The following RUNX1 variants were observed in gnomAD, a reference collection of about 807,000 sequenced individuals.
RUNX1 encodes the protein runt-related transcription factor 1.
Under a neutral mutation model 42.8 loss-of-function variants are expected in RUNX1, and 19 were observed. That is an observed-to-expected ratio of 0.44 (90% CI 0.31 to 0.65). The LOEUF (loss-of-function observed/expected upper bound fraction) is 0.65, where lower values mean the gene tolerates loss of function less well. Among genes scored for constraint, RUNX1 ranks in the 30% least tolerant of loss-of-function variants. The pLI is 0.07. For synonymous variants in RUNX1, 271 were observed against 289.4 expected (o/e 0.94, Z 0.64); for missense variants, 528 against 672.0 (o/e 0.79, Z 2.37).
chr21:34,875,280 G>A (rs958803695), intron 5 of RUNX1, among the ~76,000 whole-genome samples: 5 of 152,226 alleles, frequency 3.3e-5, no homozygotes, highest in African/African-American at 1.2e-4. Flanking sequence ...ATTGGCAAAT[G>A]TGAAACCGAA....
intron 6 of RUNX1, among the ~76,000 whole-genome samples, chr21:34,846,806 G>A (rs2057324071): frequency 6.6e-6 from 1 of 152,212 alleles, no homozygotes; most frequent in Admixed American, 6.5e-5. Context: ...GAGACTGGCT[G>A]AATCACCCGA....
At chr21:34,928,317 C>T (rs1006254396) in intron 2 of RUNX1, among the ~76,000 whole-genome samples, 1 of 152,142 alleles carries the variant, frequency 6.6e-6, no homozygotes. Context: ...TGAATGAATA[C>T]TGAATGGCCA....
intron 2 of RUNX1, among the ~76,000 whole-genome samples, chr21:35,034,493 A>G (rs1043343073): frequency 7.9e-5 from 12 of 152,364 alleles, no homozygotes; most frequent in African/African-American, 2.9e-4. Context: ...AAGCAGCAAC[A>G]GTACCTCGGT....
intron 2 of RUNX1, among the ~76,000 whole-genome samples, chr21:35,040,292 T>A (rs905999732): frequency 6.6e-6 from 1 of 152,182 alleles, no homozygotes; most frequent in Non-Finnish European, 1.5e-5. Context: ...AAACTGCTCC[T>A]GAAAAAAATG....
intron 2 of RUNX1, among the ~76,000 whole-genome samples, chr21:34,945,621 T>G (rs1403938338): frequency 6.6e-6 from 1 of 152,216 alleles, no homozygotes; most frequent in Non-Finnish European, 1.5e-5. Context: ...GAAAATGCCC[T>G]CCTTGAAAAG....
chr21:34,964,332 C>CA (rs2058702738), intron 2 of RUNX1, among the ~76,000 whole-genome samples: 1 of 151,592 alleles, frequency 6.6e-6, no homozygotes, highest in Non-Finnish European at 1.5e-5. Flanking sequence ...ACTAAAAATA[C>CA]AAAAAATTAG....
At chr21:34,860,530 C>CGTGCGT (rs1555894888) in intron 5 of RUNX1, among the ~76,000 whole-genome samples, 6 of 149,538 alleles carry the variant, frequency 4.0e-5, no homozygotes, top group African/African-American at 9.8e-5. Flanking sequence ...TGTGTCTGTG[C>CGTGCGT]GTGTGTGTGT....
At chr21:34,910,028 T>C (rs2058259668) in intron 2 of RUNX1, among the ~76,000 whole-genome samples, 1 of 152,162 alleles carries the variant, frequency 6.6e-6, no homozygotes, top group Non-Finnish European at 1.5e-5. Flanking sequence ...ACAGGCCAGC[T>C]TGGCCACTGA....
In RUNX1 at chr21:34,905,208, C is replaced by T. The variant is rs559339099; in HGVS notation, c.59-12245G>A. On this transcript the variant is annotated intron_variant, in intron 2 of 8. Coordinates refer to ENST00000675419, the MANE Select transcript of RUNX1 (RefSeq NM_001754.5). ...CATTATTTAACACCGGCAAATTGAA[C>T]GACAACATGAAATGAAGTGCAAGAT... Among the ~76,000 whole-genome samples, 13 of 152,300 alleles carry T rather than the reference C, an allele frequency of 8.5e-5. 1 individual carries two copies. The Middle Eastern group carries it at 0.014, about 159-fold the overall frequency.
intron 2 of RUNX1, among the ~76,000 whole-genome samples, chr21:35,002,723 C>T (rs2059055842): frequency 6.6e-6 from 1 of 152,082 alleles, no homozygotes. Flanking sequence ...CCACTGTGCC[C>T]GGCCTACTTA....
intron 2 of RUNX1, among the ~76,000 whole-genome samples, chr21:35,031,806 G>A (rs942506679): frequency 7.9e-5 from 12 of 152,154 alleles, no homozygotes; most frequent in Non-Finnish European, 1.8e-4. Context: ...TGTATATGTG[G>A]AATCCTAAAA....
At chr21:35,024,012 A>T (rs2059218466) in intron 2 of RUNX1, among the ~76,000 whole-genome samples, 2 of 151,400 alleles carry the variant, frequency 1.3e-5, no homozygotes, top group African/African-American at 4.8e-5. Flanking sequence ...ATATTAAATA[A>T]ATACAAATCA....
intron 2 of RUNX1, among the ~76,000 whole-genome samples, chr21:35,042,302 A>G (rs936010400): frequency 6.6e-6 from 1 of 152,250 alleles, no homozygotes; most frequent in Non-Finnish European, 1.5e-5. Context: ...GAGGGAATGA[A>G]GGAAGAACAT....
At chr21:34,815,013 G>C (rs961153807) in intron 7 of RUNX1, among the ~76,000 whole-genome samples, 1 of 152,018 alleles carries the variant, frequency 6.6e-6, no homozygotes, top group African/African-American at 2.4e-5. Flanking sequence ...GACTGGCTGT[G>C]TAACTTCTTT....
At chr21:34,894,145 A>G (rs1022812229) in intron 2 of RUNX1, among the ~76,000 whole-genome samples, 1 of 152,182 alleles carries the variant, frequency 6.6e-6, no homozygotes, top group African/African-American at 2.4e-5. Flanking sequence ...CTCAGCTTTA[A>G]TAGGTGTTGG....
intron 2 of RUNX1, among the ~76,000 whole-genome samples, chr21:34,918,387 C>T (rs1241493087): frequency 1.3e-5 from 2 of 152,094 alleles, no homozygotes; most frequent in African/African-American, 4.8e-5. Context: ...ATCAGCATTG[C>T]CAGATTAACA....
intron 8 of RUNX1, chr21:34,797,907 A>T (rs933049488): frequency 9.7e-6 from 4 of 412,840 alleles, no homozygotes; most frequent in Non-Finnish European, 2.0e-5. Context: ...GGGGGATGCT[A>T]TTGGCATCTA....
chr21:34,924,826 A>G (rs997960644), intron 2 of RUNX1, among the ~76,000 whole-genome samples: 2 of 152,198 alleles, frequency 1.3e-5, no homozygotes, highest in African/African-American at 4.8e-5. Context: ...GTCTAAGATT[A>G]AGATTCAGCT....
At chr21:34,975,545 ATGT>A (rs2058795284) in intron 2 of RUNX1, among the ~76,000 whole-genome samples, 2 of 152,352 alleles carry the variant, frequency 1.3e-5, no homozygotes, top group Non-Finnish European at 2.9e-5. Flanking sequence ...GCATCTGAAG[ATGT>A]TGTTATTCCA....
Sources: gnomAD v4.1 joint callset for allele counts (sites outside exome capture counted in the v4.1 genomes callset) on GRCh38, gnomAD v4.1.1 for gene constraint, MANE v1.5 for transcripts, NCBI Gene and HGNC (gene_info 2026-07-23, HGNC 2026-07-21) for gene names.